The following HECW1 variants were observed in gnomAD, a reference collection of about 807,000 sequenced individuals.
HECW1 encodes the protein HECT, C2 and WW domain containing E3 ubiquitin protein ligase 1.
A neutral mutation model predicts 182.3 loss-of-function variants in HECW1; 61 were observed. That is an observed-to-expected ratio of 0.33 (90% confidence interval 0.27 to 0.41). HECW1 has a LOEUF of 0.41. HECW1 is among the 10% of genes least tolerant of loss of function. HECW1 has a pLI of 1.00. For missense variants in HECW1, 1,739 were observed against 2,108.9 expected (o/e 0.82, Z 3.44); for synonymous variants, 859 against 832.6 (o/e 1.03, Z -0.55).
chr7:43,365,588 A>G (rs1816541845), intron 6 of HECW1, among the ~76,000 whole-genome samples: 1 of 152,256 alleles, frequency 6.6e-6, no homozygotes, highest in Non-Finnish European at 1.5e-5. Context: ...CATCAGGATT[A>G]TGTTACACTG....
At chr7:43,148,145 G>A (rs868029694) in intron 2 of HECW1, among the ~76,000 whole-genome samples, 1 of 152,202 alleles carries the variant, frequency 6.6e-6, no homozygotes, top group Non-Finnish European at 1.5e-5. Context: ...GGGGCAGAAA[G>A]GGGAATGAGC....
chr7:43,130,235 CA>C (rs1786758546), intron 2 of HECW1, among the ~76,000 whole-genome samples: 1 of 152,056 alleles, frequency 6.6e-6, no homozygotes, highest in Non-Finnish European at 1.5e-5. Flanking sequence ...TATCCCTTAC[CA>C]AAATGCTTGG....
chr7:43,355,030 GAA>G (rs71562093), intron 5 of HECW1, among the ~76,000 whole-genome samples: 1 of 142,560 alleles, frequency 7.0e-6, no homozygotes, highest in Non-Finnish European at 1.5e-5. Context: ...GTGCTGAAAG[GAA>G]AAAAAAAAAA....
rs375878157 is a variant in HECW1 at position 43,180,684 on chromosome 7, C to T, written c.-31-63191C>T. 1.6e-3 allele frequency among the ~76,000 whole-genome samples: 238 copies of T among 152,276 alleles called. 5 individuals are homozygous for T. In the South Asian group the frequency reaches 0.04, roughly 25 times the overall value. On this transcript the variant is annotated intron_variant, in intron 2 of 29. Coordinates refer to ENST00000395891, the MANE Select transcript of HECW1 (RefSeq NM_015052.5). The stretch of plus-strand genomic sequence containing the variant: ...TGCTGGGATTACGGGCGTGAGCCAC[C>T]GCGCCTGGCCAGTTTTATTTTATTT...
Position 43,364,468 on chromosome 7 carries a change from A to G in HECW1, c.555+3488A>G, listed in dbSNP as rs564559193. ...TTACTCCATTATAAATTATAATACT[A>G]TATAAAGTCTCCAGTACTGGAGCGT... On this transcript the variant is annotated intron_variant, in intron 6 of 29. Coordinates refer to ENST00000395891, the MANE Select transcript of HECW1 (RefSeq NM_015052.5). Among the ~76,000 whole-genome samples the G allele has an allele frequency of 1.5e-4, 23 of 152,354 alleles. No homozygotes were observed. In the East Asian group the frequency reaches 4.0e-3, roughly 27 times the overall value.
intron 5 of HECW1, among the ~76,000 whole-genome samples, chr7:43,356,259 C>T (rs1346712382): frequency 6.6e-6 from 1 of 152,038 alleles, no homozygotes; most frequent in East Asian, 1.9e-4. Context: ...AGTACCTATG[C>T]TTACATCAGA....
At chr7:43,127,541 A>AAAAG (rs1786403169) in intron 2 of HECW1, among the ~76,000 whole-genome samples, 2 of 151,572 alleles carry the variant, frequency 1.3e-5, no homozygotes, top group South Asian at 4.2e-4. Flanking sequence ...AAAAAAAAAA[A>AAAAG]AAAAAGGAAA....
Position 43,407,696 on chromosome 7 carries a change from A to G in HECW1, c.766A>G (p.Ile256Val), listed in dbSNP as rs2075655887. ...TGGACAGGAGAGGAGATCCAAGATC[A>G]TAGGCAACACCGTGAACCCCATCTG... is the stretch of plus-strand genomic sequence containing the variant. ...HHGQERRSKIIGNTVNPIWQA... is the reference protein window; with the variant it reads ...HHGQERRSKIVGNTVNPIWQA... Residue 256 changes from isoleucine to valine, a missense_variant, in exon 8 of 30, where the codon ATA (isoleucine) becomes GTA (valine). Ile to Val is a conservative substitution (Grantham distance 29). This residue lies in a region of HECW1 where 279 missense variants were observed against 353.1 expected (regional missense o/e 0.79). Coordinates refer to ENST00000395891, the MANE Select transcript of HECW1 (RefSeq NM_015052.5). 1 of 1,613,956 alleles carries G rather than the reference A, an allele frequency of 6.2e-7. No individual in the cohort carries two copies. Among genetic ancestry groups the G allele is most frequent in the Non-Finnish European group, 8.5e-7 (1 of 1,179,946 alleles).
At chr7:43,408,960 T>C (rs1239265051) in intron 8 of HECW1, among the ~76,000 whole-genome samples, 1 of 152,236 alleles carries the variant, frequency 6.6e-6, no homozygotes, top group Non-Finnish European at 1.5e-5. Context: ...CTATTATTGA[T>C]GGAAACGTGC....
At chr7:43,314,858 G>T (rs1808989181) in intron 4 of HECW1, among the ~76,000 whole-genome samples, 1 of 152,164 alleles carries the variant, frequency 6.6e-6, no homozygotes, top group Non-Finnish European at 1.5e-5. Flanking sequence ...AGAGATCTAG[G>T]CTGAGAAATG....
chr7:43,371,811 G>T (rs1326938062), intron 6 of HECW1, among the ~76,000 whole-genome samples: 4 of 152,104 alleles, frequency 2.6e-5, no homozygotes, highest in African/African-American at 9.7e-5. Context: ...TACATTTTTT[G>T]TTGATGGTGG....
intron 4 of HECW1, among the ~76,000 whole-genome samples, chr7:43,317,964 T>C (rs146590628): frequency 6.6e-6 from 1 of 152,234 alleles, no homozygotes; most frequent in East Asian, 1.9e-4. Context: ...TTCTATATTC[T>C]AATGAAATTA....
intron 29 of HECW1, among the ~76,000 whole-genome samples, chr7:43,557,358 A>G (rs1190843220): frequency 6.6e-6 from 1 of 152,224 alleles, no homozygotes; most frequent in African/African-American, 2.4e-5. Flanking sequence ...AGAGCGCCAG[A>G]CACCGCCACA....
chr7:43,114,811 G>T (rs1477707894), intron 2 of HECW1, among the ~76,000 whole-genome samples: 1 of 152,110 alleles, frequency 6.6e-6, no homozygotes, highest in Non-Finnish European at 1.5e-5. Context: ...TGATAGGGAG[G>T]TCACATCCGG....
chr7:43,496,997 T>A (rs1326506003), intron 19 of HECW1, among the ~76,000 whole-genome samples: 2 of 152,158 alleles, frequency 1.3e-5, no homozygotes, highest in African/African-American at 4.8e-5. Flanking sequence ...AGACAGATAA[T>A]AGACAAGCTT....
chr7:43,156,030 G>A (rs1033123493), intron 2 of HECW1, among the ~76,000 whole-genome samples: 3 of 152,148 alleles, frequency 2.0e-5, no homozygotes, highest in Non-Finnish European at 4.4e-5. Context: ...AAGAAAATTA[G>A]CACTGCAGTT....
intron 5 of HECW1, among the ~76,000 whole-genome samples, chr7:43,335,702 CCTTT>C (rs1465599758): frequency 2.6e-5 from 4 of 151,828 alleles, no homozygotes; most frequent in Non-Finnish European, 4.4e-5. Context: ...TTCCTTCCTT[CCTTT>C]CCTTTCCTTC....
chr7:43,486,619 G>A (rs976566514), intron 17 of HECW1, among the ~76,000 whole-genome samples: 1 of 152,154 alleles, frequency 6.6e-6, no homozygotes, highest in Non-Finnish European at 1.5e-5. Context: ...TTTTTTTAAA[G>A]CAATTACACC....
chr7:43,243,505 AGG>A lies in HECW1; in HGVS notation c.-31-369_-31-368del, dbSNP rs1799076336. Reference sequence around the variant, plus strand: ...GAGCTTCAGGAGTGGATCATATGTGAGGATGCTTTTCGCTGGCCTTCTCAGAC... The same window carrying A: ...GAGCTTCAGGAGTGGATCATATGTGAATGCTTTTCGCTGGCCTTCTCAGAC... On this transcript the variant is annotated intron_variant, in intron 2 of 29. Coordinates refer to ENST00000395891, the MANE Select transcript of HECW1 (RefSeq NM_015052.5). This position sits in a 1 kb window ranked among gnomAD's most constrained non-coding sequence, Gnocchi z 4.0. 6.6e-6 allele frequency among the ~76,000 whole-genome samples: 1 copy of A among 152,088 alleles called. No homozygotes were observed. Among genetic ancestry groups the A allele is most frequent in the Non-Finnish European group, 1.5e-5 (1 of 68,014 alleles).
Sources: allele counts gnomAD v4.1 joint callset (sites outside exome capture counted in the v4.1 genomes callset), GRCh38; gene constraint gnomAD v4.1.1; regional missense constraint gnomAD v4.1.1; non-coding constraint Gnocchi (gnomAD v3.1); transcripts MANE v1.5; gene names NCBI Gene and HGNC (gene_info 2026-07-23, HGNC 2026-07-21).